The following HOXD3 variants were observed in gnomAD, a reference collection of about 807,000 sequenced individuals.
The protein encoded by HOXD3 is homeobox protein Hox-D3.
In HOXD3, 13 loss-of-function variants were observed where a neutral mutation model predicts 32.8. The ratio of observed to expected loss-of-function variants is 0.40; its 90% CI spans 0.26 to 0.63. The LOEUF (loss-of-function observed/expected upper bound fraction) is 0.63, where lower values mean the gene tolerates loss of function less well. Among genes scored for constraint, HOXD3 ranks in the 20% least tolerant of loss-of-function variants. The pLI, the probability that HOXD3 is intolerant of heterozygous loss-of-function variation, is 0.44. For missense variants in HOXD3, 504 were observed against 577.1 expected (o/e 0.87, Z 1.30); for synonymous variants, 241 against 246.8 (o/e 0.98, Z 0.22).
chr2:176,168,261 C>CAAAA (rs34436368), intron 2 of HOXD3, among the ~76,000 whole-genome samples: 3,290 of 103,268 alleles, frequency 0.032, 111 homozygotes, highest in African/African-American at 0.036. Context: ...CCTGTCTCTA[C>CAAAA]AAAAAAAAAA....
chr2:176,164,365 A>C (rs1690897437), intron 2 of HOXD3, 197 bp downstream of exon 2: 1 of 152,236 alleles, frequency 6.6e-6, no homozygotes. Flanking sequence ...GGGCAAGCCC[A>C]GTGCCTTAAA....
At chr2:176,160,640 G>C (rs955316319) in intron 1 of HOXD3, among the ~76,000 whole-genome samples, 1 of 152,036 alleles carries the variant, frequency 6.6e-6, no homozygotes, top group Non-Finnish European at 1.5e-5. Context: ...GGCAGCGTCT[G>C]TATTTCCCGA....
rs1366836121 is a variant in HOXD3, at chr2:176,171,918, T to C, written c.943T>C (p.Tyr315His). The change falls in exon 4 of 4, where the codon TAC becomes CAC. Residue 315 changes from tyrosine (Y) to histidine (H), a missense_variant. Around this residue, in one of 3 missense-constraint regions of HOXD3, gnomAD observed 226 missense variants for 246.9 expected, o/e 0.92. Transcript: ENST00000683222. ...SQPNMYGLAA[Y>H]TAPLSSCLPQ... Reference sequence around the variant, plus strand: ...GCCCAATATGTACGGCCTGGCCGCCTACACGGCGCCACTCAGCAGCTGCCT... The same window carrying C: ...GCCCAATATGTACGGCCTGGCCGCCCACACGGCGCCACTCAGCAGCTGCCT... 2 of 1,610,016 alleles carry C rather than the reference T, an allele frequency of 1.2e-6. No individual in the cohort carries two copies. Among genetic ancestry groups the C allele is most frequent in the South Asian group, 1.1e-5 (1 of 90,844 alleles).
At chr2:176,154,789 A>G (rs1305249708), upstream of HOXD3, among the ~76,000 whole-genome samples, 3 of 152,192 alleles carry the variant, frequency 2.0e-5, no homozygotes, top group African/African-American at 7.2e-5. Context: ...AGACTTGCAC[A>G]TGGCAATACT....
chr2:176,153,463 T>A (rs186475025), upstream of HOXD3, among the ~76,000 whole-genome samples: 9 of 152,290 alleles, frequency 5.9e-5, no homozygotes, highest in East Asian at 1.5e-3. Flanking sequence ...AAAAAATATA[T>A]ATTTTGCTCC....
chr2:176,163,970 G>A (rs1369890206), intron 1 of HOXD3, 103 bp from the exon 2 acceptor site: 1 of 152,160 alleles, frequency 6.6e-6, no homozygotes, highest in Non-Finnish European at 1.5e-5. Flanking sequence ...ATATACAATA[G>A]TCACATTGAC....
intron 2 of HOXD3, chr2:176,165,365 T>C (rs933629800): frequency 6.6e-6 from 1 of 152,366 alleles, no homozygotes; most frequent in Admixed American, 6.5e-5. Context: ...TAGCATTAAG[T>C]GCGGTGAGCA....
Position 176,172,299 on chromosome 2 carries a change from G to A in HOXD3, c.*25G>A. On this transcript the variant is annotated 3_prime_UTR_variant, in exon 4 of 4. Transcript: ENST00000683222. Reference sequence around the variant, plus strand: ...GCGGCCGCCGCCAGCCCGAACTCGCGGCAAAATTACCTCTCTTGCTGTAGT... The same window carrying A: ...GCGGCCGCCGCCAGCCCGAACTCGCAGCAAAATTACCTCTCTTGCTGTAGT... The A allele has an allele frequency of 1.3e-6, 2 of 1,568,814 alleles. No individual in the cohort carries two copies. The highest frequency in any genetic ancestry group is 8.6e-7 in the Non-Finnish European group (1 of 1,161,840).
chr2:176,161,926 C>T (rs577550500), intron 1 of HOXD3, among the ~76,000 whole-genome samples: 62 of 152,332 alleles, frequency 4.1e-4, no homozygotes, highest in African/African-American at 1.4e-3. Flanking sequence ...AGAAGACAAC[C>T]CATCCCGGGT....
upstream of HOXD3, chr2:176,152,681 G>GAAACAGTCCTAGAACCTGTTAAAAT: frequency 6.2e-7 from 1 of 1,614,146 alleles, no homozygotes; most frequent in Non-Finnish European, 8.5e-7. The surrounding 1 kb of genome is among the most constrained non-coding windows in gnomAD (Gnocchi z 5.2). Flanking sequence ...TCCTAGAACT[G>GAAACAGTCCTAGAACCTGTTAAAAT]GAAAAAGAAT....
At chr2:176,158,326 T>G (rs1416981433) in intron 1 of HOXD3, among the ~76,000 whole-genome samples, 1 of 152,128 alleles carries the variant, frequency 6.6e-6, no homozygotes, top group South Asian at 2.1e-4. Context: ...GTTTCTGCCT[T>G]TTTTCACCGG....
intron 2 of HOXD3, among the ~76,000 whole-genome samples, chr2:176,168,109 C>T (rs760903249): frequency 1.3e-5 from 2 of 152,096 alleles, no homozygotes; most frequent in Non-Finnish European, 2.9e-5. Context: ...TCTGATACTT[C>T]CAGAGGTTCA....
At chr2:176,156,966 G>A (rs948454448), upstream of HOXD3, among the ~76,000 whole-genome samples, 4 of 152,186 alleles carry the variant, frequency 2.6e-5, no homozygotes, top group Non-Finnish European at 4.4e-5. Flanking sequence ...CTGCTTAATG[G>A]CTCCTCCCGT....
rs374462578 is a variant in HOXD3, at chr2:176,172,198, C to T, written c.1223C>T (p.Pro408Leu). The change falls in exon 4 of 4, where the codon CCC becomes CTC. Residue 408 changes from proline to leucine, a missense_variant. Around this residue, in one of 3 missense-constraint regions of HOXD3, gnomAD observed 226 missense variants for 246.9 expected, o/e 0.92. Transcript: ENST00000683222. ...CACCATGGACCTTGCGACCCTCATC[C>T]CACCTACACAGATCTCTCGGCCCAC... ...NHHHGPCDPH[P>L]TYTDLSAHHS... 2.0e-5 allele frequency: 32 copies of T among 1,612,448 alleles called. No homozygotes were observed. The highest frequency in any genetic ancestry group is 2.5e-5 in the Non-Finnish European group (29 of 1,179,988).
intron 1 of HOXD3, among the ~76,000 whole-genome samples, chr2:176,159,840 G>A (rs1690741951): frequency 6.6e-6 from 1 of 152,246 alleles, no homozygotes; most frequent in African/African-American, 2.4e-5. Flanking sequence ...CGGTTGCTGG[G>A]CCTGTGGGAT....
At chr2:176,156,084 T>C (rs1690638820), upstream of HOXD3, among the ~76,000 whole-genome samples, 1 of 152,250 alleles carries the variant, frequency 6.6e-6, no homozygotes, top group Admixed American at 6.5e-5. Context: ...ATCTCCCTCC[T>C]GTTTGGTGCC....
At chr2:176,153,103 C>A, upstream of HOXD3, 1 of 432,746 alleles carries the variant, frequency 2.3e-6, no homozygotes. Context: ...TGCCCGAGGG[C>A]AGCCCCCTCC....
At chr2:176,157,067 A>G (rs1186100946), upstream of HOXD3, among the ~76,000 whole-genome samples, 3 of 152,072 alleles carry the variant, frequency 2.0e-5, no homozygotes, top group Non-Finnish European at 4.4e-5. Context: ...CTGAGTATAG[A>G]GTACAGTAAA....
At chr2:176,158,105 G>A (rs1690688438) in intron 1 of HOXD3, among the ~76,000 whole-genome samples, 1 of 152,184 alleles carries the variant, frequency 6.6e-6, no homozygotes, top group Admixed American at 6.5e-5. Flanking sequence ...CCCAAGTTCT[G>A]CTGCCTCTGT....
Sources: gnomAD v4.1 joint callset for allele counts (sites outside exome capture counted in the v4.1 genomes callset) on GRCh38, gnomAD v4.1.1 for gene constraint, gnomAD v4.1.1 regional missense constraint, Gnocchi (gnomAD v3.1) non-coding constraint, MANE v1.5 for transcripts, NCBI Gene and HGNC (gene_info 2026-07-23, HGNC 2026-07-21) for gene names.